The following ZBTB7A variants were observed in gnomAD, a reference collection of about 807,000 sequenced individuals.
The protein encoded by ZBTB7A is zinc finger and BTB domain containing 7A.
A neutral mutation model predicts 26.7 loss-of-function variants in ZBTB7A; 7 were observed. The ratio of observed to expected loss-of-function variants is 0.26; its 90% confidence interval spans 0.15 to 0.49. The LOEUF is 0.49. ZBTB7A is among the 20% of genes least tolerant of loss of function. ZBTB7A has a pLI of 0.98. For synonymous variants in ZBTB7A, 452 were observed against 441.0 expected (o/e 1.02, Z -0.31); for missense variants, 617 against 919.5 (o/e 0.67, Z 4.25).
In ZBTB7A at chr19:4,054,775, T is replaced by C; in HGVS notation, c.458A>G (p.Asn153Ser). The part of the protein sequence containing the change: ...LDLVDQIDQR[N>S]LLRAKEYLEF... Reference sequence around the variant, plus strand: ...GAGGTACTCCTTGGCGCGGAGGAGGTTGCGCTGATCAATTTGATCTACAAG... The same window carrying C: ...GAGGTACTCCTTGGCGCGGAGGAGGCTGCGCTGATCAATTTGATCTACAAG... Residue 153 changes from asparagine (N) to serine (S), a missense_variant, in exon 2 of 3, where the codon AAC becomes AGC. Transcript: ENST00000322357. 1.3e-6 allele frequency: 2 copies of C among 1,578,168 alleles called. No individual in the cohort carries two copies. The highest frequency in any genetic ancestry group is 8.6e-7 in the Non-Finnish European group (1 of 1,161,550).
Position 4,047,965 on chromosome 19 carries a change from G to A in ZBTB7A, c.1542C>T (p.Ala514=). Residue 514 remains alanine, a synonymous_variant, in exon 3 of 3, where the codon GCC becomes GCT. Transcript: ENST00000322357. ...RGGAPDPSPG[A]TATPGAPAQP... Reference sequence around the variant, plus strand: ...GGGCGGGGGCGCCGGGGGTCGCGGTGGCCCCCGGGCTGGGGTCGGGCGCCC... The same window carrying A: ...GGGCGGGGGCGCCGGGGGTCGCGGTAGCCCCCGGGCTGGGGTCGGGCGCCC... 1 of 1,221,788 alleles carries A rather than the reference G, an allele frequency of 8.2e-7. No homozygotes were observed. 75.7% of individuals were successfully genotyped at this position (1,221,788 alleles called of 1,614,324 possible). A position where few individuals can be genotyped will look rare whatever the true frequency, so the allele number is the denominator to read the frequency against.
In ZBTB7A at chr19:4,054,846, C is replaced by T; in HGVS notation, c.387G>A (p.Arg129=). ...VSHVCADLLD[R]QILAADAGAD... Reference sequence around the variant, plus strand: ...CGCCCGCGTCGGCCGCCAGGATCTGCCGGTCCAGGAGGTCGGCGCACACGT... The same window carrying T: ...CGCCCGCGTCGGCCGCCAGGATCTGTCGGTCCAGGAGGTCGGCGCACACGT... Residue 129 remains arginine (R), a synonymous_variant, in exon 2 of 3, where the codon CGG becomes CGA. Transcript: ENST00000322357. The T allele has an allele frequency of 6.2e-7, 1 of 1,607,048 alleles. No homozygotes were observed. The highest frequency in any genetic ancestry group is 8.5e-7 in the Non-Finnish European group (1 of 1,176,678).
chr19:4,059,302 G>A (rs995321039), intron 1 of ZBTB7A, among the ~76,000 whole-genome samples: 2 of 152,134 alleles, frequency 1.3e-5, no homozygotes, highest in African/African-American at 2.4e-5. Context: ...CCTGGAGGAT[G>A]GGCCCAAAAT....
chr19:4,049,166 GTGTATATATATATA>G (rs1318738624), intron 2 of ZBTB7A, among the ~76,000 whole-genome samples: 22 of 13,484 alleles, frequency 1.6e-3, no homozygotes, highest in African/African-American at 3.2e-3. Context: ...GTGTGTGTGT[GTGTATATATATATA>G]TATATATATA....
intron 2 of ZBTB7A, among the ~76,000 whole-genome samples, chr19:4,050,602 G>T (rs1200387903): frequency 6.6e-6 from 1 of 152,168 alleles, no homozygotes; most frequent in Non-Finnish European, 1.5e-5. Context: ...ACTCTGAACT[G>T]ATGTGCGCTG....
Position 4,048,763 on chromosome 19 carries a change from G to A in ZBTB7A, c.1263-519C>T, listed in dbSNP as rs530913614. ...AGCTATTAGGAAGGCTGAGGCAGGA[G>A]GATCACTTGTATCTGGGAGGTGGAG... is the stretch of plus-strand genomic sequence containing the variant. On this transcript the variant is annotated intron_variant, in intron 2 of 2. Coordinates refer to ENST00000322357, the MANE Select transcript of ZBTB7A (RefSeq NM_015898.4). This position sits in a 1 kb window ranked among gnomAD's most constrained non-coding sequence, Gnocchi z 6.7. 1.3e-5 allele frequency among the ~76,000 whole-genome samples: 2 copies of A among 152,014 alleles called. No individual in the cohort carries two copies. Among genetic ancestry groups the A allele is most frequent in the East Asian group, 3.9e-4 (2 of 5,146 alleles).
intron 2 of ZBTB7A, among the ~76,000 whole-genome samples, chr19:4,049,639 C>T (rs1325677338): frequency 1.3e-5 from 2 of 152,104 alleles, no homozygotes; most frequent in Non-Finnish European, 2.9e-5. Context: ...ACCCCTCTGT[C>T]CGGGACAAAG....
At chr19:4,060,107 G>A (rs1428127929) in intron 1 of ZBTB7A, among the ~76,000 whole-genome samples, 4 of 151,832 alleles carry the variant, frequency 2.6e-5, no homozygotes, top group Admixed American at 2.6e-4. Flanking sequence ...GGATTTCCGG[G>A]GCTGCTTGGT....
At chr19:4,058,762 C>T (rs182338088) in intron 1 of ZBTB7A, among the ~76,000 whole-genome samples, 41 of 152,340 alleles carry the variant, frequency 2.7e-4, no homozygotes, top group Non-Finnish European at 5.1e-4. Context: ...GGCATGGTGT[C>T]GGTCCAGCCG....
chr19:4,066,269 C>CG (rs2040695225), intron 1 of ZBTB7A, among the ~76,000 whole-genome samples: 1 of 148,770 alleles, frequency 6.7e-6, no homozygotes, highest in South Asian at 2.1e-4. Context: ...AATAGGCCCC[C>CG]GGGGGGCGAG....
rs1358603186 is a variant in ZBTB7A at position 4,045,916 on chromosome 19, C to A, written c.*1836G>T. On this transcript the variant is annotated 3_prime_UTR_variant, in exon 3 of 3. Coordinates refer to ENST00000322357, the MANE Select transcript of ZBTB7A (RefSeq NM_015898.4). This position sits in a 1 kb window ranked among gnomAD's most constrained non-coding sequence, Gnocchi z 4.1. Reference sequence around the variant, plus strand: ...GGGGTGCCTGGGGTGGGGAGAGGGGCGGTGGTTCTAAGGCCCTGGAGGTGG... The same window carrying A: ...GGGGTGCCTGGGGTGGGGAGAGGGGAGGTGGTTCTAAGGCCCTGGAGGTGG... 3 of 398,152 alleles carry A rather than the reference C, an allele frequency of 7.5e-6. No homozygotes were observed. Among genetic ancestry groups the A allele is most frequent in the Non-Finnish European group, 1.3e-5 (3 of 225,954 alleles). The allele number at this position is 398,152 out of a possible 1,614,324, so 24.7% of individuals were successfully genotyped here.
At chr19:4,064,122 G>C (rs976211703) in intron 1 of ZBTB7A, among the ~76,000 whole-genome samples, 13 of 152,260 alleles carry the variant, frequency 8.5e-5, no homozygotes, top group Admixed American at 8.5e-4. Flanking sequence ...CAGAGCAAAG[G>C]ACCCATCCAC....
Position 4,047,671 on chromosome 19 carries a change from T to G in ZBTB7A, c.*81A>C. Reference sequence around the variant, plus strand: ...TATAGATAGATTTTCTTTTTTTGTGTTTTTGGGGGGGTGGTGGGTGATTTT... The same window carrying G: ...TATAGATAGATTTTCTTTTTTTGTGGTTTTGGGGGGGTGGTGGGTGATTTT... On this transcript the variant is annotated 3_prime_UTR_variant, in exon 3 of 3. Coordinates refer to ENST00000322357, the MANE Select transcript of ZBTB7A (RefSeq NM_015898.4). 21 of 1,458,348 alleles carry G rather than the reference T, an allele frequency of 1.4e-5. No homozygotes were observed. Among genetic ancestry groups the G allele is most frequent in the Non-Finnish European group, 1.7e-5 (19 of 1,086,710 alleles). 90.3% of individuals were successfully genotyped at this position (1,458,348 alleles called of 1,614,324 possible). A position where few individuals can be genotyped will look rare whatever the true frequency, so the allele number is the denominator to read the frequency against.
At position 4,047,677 on chromosome 19, in the gene ZBTB7A, G is replaced by T. The variant is rs1412200129; in HGVS notation, c.*75C>A. On this transcript the variant is annotated 3_prime_UTR_variant, in exon 3 of 3. Coordinates refer to ENST00000322357, the MANE Select transcript of ZBTB7A (RefSeq NM_015898.4). ...TAGATTTTCTTTTTTTGTGTTTTTG[G>T]GGGGGTGGTGGGTGATTTTTTTTCT... 5.3e-6 allele frequency: 8 copies of T among 1,511,488 alleles called. No individual in the cohort carries two copies. Among genetic ancestry groups the T allele is most frequent in the African/African-American group, 4.3e-5 (3 of 69,714 alleles). 93.6% of individuals were successfully genotyped at this position (1,511,488 alleles called of 1,614,324 possible).
intron 1 of ZBTB7A, chr19:4,061,831 G>T (rs1013681131): frequency 2.0e-5 from 3 of 152,282 alleles, no homozygotes; most frequent in African/African-American, 7.2e-5. Context: ...TCATGGGCCA[G>T]GAAGCCCAGA....
In ZBTB7A at chr19:4,043,970, T is replaced by C. The variant is rs1599242025; in HGVS notation, c.*3782A>G. Among the ~76,000 whole-genome samples the C allele has an allele frequency of 7.2e-6, 1 of 137,974 alleles. No homozygotes were observed. The highest frequency in any genetic ancestry group is 3.5e-5 in the African/African-American group (1 of 28,546). The allele number at this position is 137,974 out of a possible 152,430, so 90.5% of individuals were successfully genotyped here. On this transcript the variant is annotated 3_prime_UTR_variant, in exon 3 of 3. Coordinates refer to ENST00000322357, the MANE Select transcript of ZBTB7A (RefSeq NM_015898.4). Reference sequence around the variant, plus strand: ...TTGCTTTTTTTGTTGGTTTTTAATATTTTTTTTTCTTCTGTTTTTCCTTTC... The same window carrying C: ...TTGCTTTTTTTGTTGGTTTTTAATACTTTTTTTTCTTCTGTTTTTCCTTTC...
chr19:4,065,845 CAGCCGGA>C (rs2040690600), intron 1 of ZBTB7A: 1 of 142,942 alleles, frequency 7.0e-6, no homozygotes, highest in African/African-American at 2.5e-5. Flanking sequence ...GCGGGCCGCG[CAGCCGGA>C]AGCCGGGACC....
At chr19:4,053,479 G>A (rs1052430165) in intron 2 of ZBTB7A, among the ~76,000 whole-genome samples, 2 of 146,120 alleles carry the variant, frequency 1.4e-5, no homozygotes, top group Admixed American at 6.9e-5. Flanking sequence ...CTGGGGGTGC[G>A]TGTGCATCTG....
chr19:4,044,152 C>T lies in ZBTB7A; in HGVS notation c.*3600G>A, dbSNP rs558236810. Among the ~76,000 whole-genome samples the T allele has an allele frequency of 1.3e-5, 2 of 151,866 alleles. No individual in the cohort carries two copies. Among genetic ancestry groups the T allele is most frequent in the African/African-American group, 4.8e-5 (2 of 41,382 alleles). Reference sequence around the variant, plus strand: ...CCCCTGTCCCCCACCTTCCCTGCAGCCGCCCACTTCCAGGGGAAGACCCTG... The same window carrying T: ...CCCCTGTCCCCCACCTTCCCTGCAGTCGCCCACTTCCAGGGGAAGACCCTG... On this transcript the variant is annotated 3_prime_UTR_variant, in exon 3 of 3. Coordinates refer to ENST00000322357, the MANE Select transcript of ZBTB7A (RefSeq NM_015898.4).
Sources: gnomAD v4.1 joint callset for allele counts (sites outside exome capture counted in the v4.1 genomes callset) on GRCh38, gnomAD v4.1.1 for gene constraint, Gnocchi (gnomAD v3.1) non-coding constraint, MANE v1.5 for transcripts, NCBI Gene and HGNC (gene_info 2026-07-23, HGNC 2026-07-21) for gene names.